ZNF234: variants seen among roughly 807,000 people sequenced by gnomAD.
The protein encoded by ZNF234 is zinc finger protein 234.
Under a neutral mutation model 10.3 loss-of-function variants are expected in ZNF234, and 4 were observed. The observed-to-expected ratio is 0.39, with a 90% confidence interval of 0.19 to 0.89. The LOEUF is 0.89. Among genes scored for constraint, ZNF234 ranks in the 40% least tolerant of loss-of-function variants. The probability of loss-of-function intolerance (pLI) is 0.38; values close to 1 mark genes in which losing one functional copy is unlikely to be tolerated. For missense variants in ZNF234, 711 were observed against 836.1 expected (o/e 0.85, Z 1.85); for synonymous variants, 258 against 280.1 (o/e 0.92, Z 0.79).
At position 44,150,405 on chromosome 19, in the gene ZNF234, T is replaced by C; in HGVS notation, c.143-8T>C. The C allele has an allele frequency of 6.4e-7, 1 of 1,568,752 alleles. No individual in the cohort carries two copies. Among genetic ancestry groups the C allele is most frequent in the South Asian group, 1.2e-5 (1 of 84,186 alleles). ...TTTGTTTTAAATATGTGACTTTGCGTGTTCTAGGGCATCACCCCTTCAAAC... is the reference window on the plus strand; with the variant it reads ...TTTGTTTTAAATATGTGACTTTGCGCGTTCTAGGGCATCACCCCTTCAAAC... On this transcript the variant is annotated splice_polypyrimidine_tract_variant and splice_region_variant and intron_variant, in intron 4 of 5. Coordinates refer to ENST00000426739, the MANE Select transcript of ZNF234 (RefSeq NM_006630.3).
rs1350675438 is a variant in ZNF234, at chr19:44,156,774, T to A, written c.758T>A (p.Leu253Ter). The change falls in exon 6 of 6, where the codon TTA (leucine) becomes TAA (stop). Residue 253 changes from leucine (L) to a stop codon, truncating the protein, a stop_gained. Coordinates refer to ENST00000426739, the MANE Select transcript of ZNF234 (RefSeq NM_006630.3). LOFTEE classifies it low-confidence loss of function (END_TRUNC). ...TCAACACTTACTGTACATTGCAAAT[T>A]ACACTCAGGAGAGAAACCTTACAAT... ...RRSTLTVHCKLHSGEKPYNCE... is the reference protein window; with the variant it reads ...RRSTLTVHCK The A allele has an allele frequency of 6.2e-7, 1 of 1,612,994 alleles. No homozygotes were observed. The highest frequency in any genetic ancestry group is 8.5e-7 in the Non-Finnish European group (1 of 1,179,348).
intron 5 of ZNF234, among the ~76,000 whole-genome samples, chr19:44,153,777 A>G (rs553227770): frequency 6.6e-6 from 1 of 152,358 alleles, no homozygotes; most frequent in South Asian, 2.1e-4. Flanking sequence ...TTTGGAAAAG[A>G]TGCTTTTCTC....
At chr19:44,146,806 C>CTTT (rs60083912) in intron 3 of ZNF234, among the ~76,000 whole-genome samples, 9 of 83,290 alleles carry the variant, frequency 1.1e-4, no homozygotes, top group East Asian at 3.5e-4. Context: ...CTCTCTCTCT[C>CTTT]TTTTTTTTTT....
chr19:44,156,063 A>G (rs1043027670), intron 5 of ZNF234, among the ~76,000 whole-genome samples, 189 bp from the exon 6 acceptor site: 1 of 152,238 alleles, frequency 6.6e-6, no homozygotes, highest in Non-Finnish European at 1.5e-5. Context: ...CCTGGTAGAT[A>G]GCAGCCAATT....
In ZNF234 at chr19:44,156,710, T is replaced by C. The variant is rs760705224; in HGVS notation, c.694T>C (p.Phe232Leu). 3.7e-6 allele frequency: 6 copies of C among 1,614,120 alleles called. No homozygotes were observed. In the South Asian group the frequency reaches 4.4e-5, roughly 12 times the overall value. The change falls in exon 6 of 6, where the codon TTC becomes CTC. Residue 232 changes from phenylalanine (F) to leucine (L), a missense_variant. Physicochemically the swap from Phe to Leu is conservative, Grantham distance 22. Transcript: ENST00000426739. The stretch of plus-strand genomic sequence containing the variant: ...GAGAGTCCACACTGTAGAGAAACCA[T>C]TCAAATGTGTGGAATGTGGGAAAGG... ...HQRVHTVEKPFKCVECGKGFS... is the reference protein window; with the variant it reads ...HQRVHTVEKPLKCVECGKGFS...
At chr19:44,146,908 C>T (rs553064551) in intron 3 of ZNF234, among the ~76,000 whole-genome samples, 123 of 148,786 alleles carry the variant, frequency 8.3e-4, no homozygotes, top group African/African-American at 3.0e-3. Flanking sequence ...CTATGCCTCC[C>T]GGGTTCAAGT....
At chr19:44,148,117 T>C (rs1006330223) in intron 3 of ZNF234, among the ~76,000 whole-genome samples, 1 of 152,198 alleles carries the variant, frequency 6.6e-6, no homozygotes, top group African/African-American at 2.4e-5. Context: ...GTAGTTTCTT[T>C]TTCAACGTTT....
chr19:44,158,947 T>C lies in ZNF234; in HGVS notation c.*828T>C, dbSNP rs1256008112. 6.6e-6 allele frequency: 1 copy of C among 152,212 alleles called. No individual in the cohort carries two copies. The highest frequency in any genetic ancestry group is 1.5e-5 in the Non-Finnish European group (1 of 68,054). The allele number at this position is 152,212 out of a possible 1,614,324, so 9.4% of individuals were successfully genotyped here. Reference sequence around the variant, plus strand: ...ATCAAAAGGAGTAAATGCACAATATTTGAACATTGTATCCAAAGGAAGAAA... The same window carrying C: ...ATCAAAAGGAGTAAATGCACAATATCTGAACATTGTATCCAAAGGAAGAAA... On this transcript the variant is annotated 3_prime_UTR_variant, in exon 6 of 6. Coordinates refer to ENST00000426739, the MANE Select transcript of ZNF234 (RefSeq NM_006630.3).
rs1968909018 is a variant in ZNF234 at position 44,157,145 on chromosome 19, T to C, written c.1129T>C (p.Cys377Arg). Residue 377 changes from cysteine (C) to arginine (R), a missense_variant, in exon 6 of 6, where the codon TGT becomes CGT. Coordinates refer to ENST00000426739, the MANE Select transcript of ZNF234 (RefSeq NM_006630.3). ...AGAGAAACCATACGTATGTAAAGTG[T>C]GTGGTAAGGGTTTCATTTACAGTTC... ...TGEKPYVCKV[C>R]GKGFIYSSSF... is the part of the protein sequence containing the mutation. 4 of 1,613,998 alleles carry C rather than the reference T, an allele frequency of 2.5e-6. No homozygotes were observed. The highest frequency in any genetic ancestry group is 1.3e-5 in the African/African-American group (1 of 74,902).
Position 44,159,486 on chromosome 19 carries a change from A to G in ZNF234, c.*1367A>G. ...ACCACACCCGGCCAAGTTGAAGTAT[A>G]TTTTGTGATTTTTCTGACAGTGCAG... On this transcript the variant is annotated 3_prime_UTR_variant, in exon 6 of 6. Transcript: ENST00000426739. The G allele has an allele frequency of 2.9e-6, 1 of 342,600 alleles. No homozygotes were observed. Among genetic ancestry groups the G allele is most frequent in the Admixed American group, 3.0e-5 (1 of 33,870 alleles). 21.2% of individuals were successfully genotyped at this position (342,600 alleles called of 1,614,324 possible).
rs1206410243 is a variant in ZNF234, at chr19:44,157,897, T to C, written c.1881T>C (p.Asp627=). ...VHTGEKPYKC[D]VCGKVFSRSS... The stretch of plus-strand genomic sequence containing the variant: ...CAGGAGAGAAACCATACAAATGTGA[T>C]GTATGTGGTAAAGTCTTCAGTCGGT... The change falls in exon 6 of 6, where the codon GAT becomes GAC. Residue 627 remains aspartate, a synonymous_variant. Coordinates refer to ENST00000426739, the MANE Select transcript of ZNF234 (RefSeq NM_006630.3). 8 of 1,614,156 alleles carry C rather than the reference T, an allele frequency of 5.0e-6. No individual in the cohort carries two copies. The highest frequency in any genetic ancestry group is 6.8e-6 in the Non-Finnish European group (8 of 1,180,028).
At chr19:44,146,953 C>T (rs1324260545) in intron 3 of ZNF234, among the ~76,000 whole-genome samples, 6 of 151,340 alleles carry the variant, frequency 4.0e-5, no homozygotes, top group Non-Finnish European at 1.5e-5. Context: ...GTAGCTGGGA[C>T]TACAGGCACG....
chr19:44,155,255 A>G (rs1264512136), intron 5 of ZNF234, among the ~76,000 whole-genome samples: 2 of 152,198 alleles, frequency 1.3e-5, no homozygotes, highest in Non-Finnish European at 1.5e-5. Flanking sequence ...AGAATATTCA[A>G]GAATATGGTT....
At chr19:44,144,726 C>T (rs1001871180) in intron 3 of ZNF234, 79 bp downstream of exon 3, 37 of 1,373,844 alleles carry the variant, frequency 2.7e-5, no homozygotes, top group Middle Eastern at 1.9e-4. Context: ...TCAAGAACAA[C>T]GGGCATTTGA....
chr19:44,146,297 G>A (rs994040202), intron 3 of ZNF234, among the ~76,000 whole-genome samples: 5 of 152,044 alleles, frequency 3.3e-5, no homozygotes, highest in African/African-American at 7.3e-5. Context: ...ATTACTCTAC[G>A]GATATCCCCC....
Position 44,148,878 on chromosome 19 carries a change from C to A in ZNF234, c.123C>A (p.Phe41Leu). Residue 41 changes from phenylalanine to leucine, a missense_variant, in exon 4 of 6, where the codon TTC becomes TTA. Phe to Leu is a conservative substitution (Grantham distance 22). Transcript: ENST00000426739. ...NLYQDVMLEN[F>L]RNLLSVGHHP... is the part of the protein sequence containing the mutation. Reference sequence around the variant, plus strand: ...ACCAAGATGTGATGCTGGAGAACTTCAGGAACCTGCTGTCAGTGGGTGAGG... The same window carrying A: ...ACCAAGATGTGATGCTGGAGAACTTAAGGAACCTGCTGTCAGTGGGTGAGG... 6.2e-6 allele frequency: 10 copies of A among 1,613,760 alleles called. No homozygotes were observed. The highest frequency in any genetic ancestry group is 8.5e-6 in the Non-Finnish European group (10 of 1,179,800).
rs1968971324 is a variant in ZNF234 at position 44,158,704 on chromosome 19, T to A, written c.*585T>A. 6.5e-6 allele frequency: 1 copy of A among 154,750 alleles called. No individual in the cohort carries two copies. The allele number at this position is 154,750 out of a possible 1,614,324, so 9.6% of individuals were successfully genotyped here. A position where few individuals can be genotyped will look rare whatever the true frequency, so the allele number is the denominator to read the frequency against. On this transcript the variant is annotated 3_prime_UTR_variant, in exon 6 of 6. Transcript: ENST00000426739. ...CCTTGTTAAGTGGTACAGTAAAGCA[T>A]TCTGTCAAAACTTTGACATTTATGA...
At chr19:44,145,311 A>ATGTGGGT (rs1191335498) in intron 3 of ZNF234, among the ~76,000 whole-genome samples, 7 of 152,166 alleles carry the variant, frequency 4.6e-5, no homozygotes, top group Admixed American at 3.9e-4. Context: ...ATACCCATTT[A>ATGTGGGT]ATTAATGTGC....
intron 3 of ZNF234, among the ~76,000 whole-genome samples, chr19:44,146,806 C>CTTTT (rs60083912): frequency 6.0e-5 from 5 of 83,288 alleles, no homozygotes; most frequent in Non-Finnish European, 9.9e-5. Flanking sequence ...CTCTCTCTCT[C>CTTTT]TTTTTTTTTT....
Sources: gnomAD v4.1 joint callset for allele counts (sites outside exome capture counted in the v4.1 genomes callset) on GRCh38, gnomAD v4.1.1 for gene constraint, MANE v1.5 for transcripts, NCBI Gene and HGNC (gene_info 2026-07-23, HGNC 2026-07-21) for gene names.